DLC1: variants seen among roughly 807,000 people sequenced by gnomAD.
DLC1 encodes the protein rho GTPase-activating protein 7.
DLC1 carries 54 observed loss-of-function variants against 140.3 expected under a neutral mutation model. The ratio of observed to expected loss-of-function variants is 0.38; its 90% confidence interval spans 0.31 to 0.48. The LOEUF (loss-of-function observed/expected upper bound fraction) is 0.48. DLC1 is among the 20% of genes least tolerant of loss of function. The pLI is 0.96. For synonymous variants in DLC1, 986 were observed against 728.1 expected (o/e 1.35, Z -5.70); for missense variants, 2,536 against 1,907.0 (o/e 1.33, Z -6.14).
At chr8:13,565,273 G>A (rs973183469) in intron 1 of DLC1, among the ~76,000 whole-genome samples, 1 of 152,154 alleles carries the variant, frequency 6.6e-6, no homozygotes, top group Admixed American at 6.5e-5. Flanking sequence ...GATTACCCCA[G>A]ACATTTGGCA....
chr8:13,105,072 T>G (rs1819448224), intron 7 of DLC1, among the ~76,000 whole-genome samples: 1 of 151,392 alleles, frequency 6.6e-6, no homozygotes, highest in African/African-American at 2.4e-5. Context: ...GCTTTAATGG[T>G]TGAATGGTGT....
chr8:13,601,041 G>A (rs1805863308), intron 1 of DLC1, among the ~76,000 whole-genome samples: 1 of 151,614 alleles, frequency 6.6e-6, no homozygotes, highest in Admixed American at 6.6e-5. Flanking sequence ...TTTTAAAAAT[G>A]GTTATCTACT....
chr8:13,573,751 C>G (rs1263182287), intron 1 of DLC1, among the ~76,000 whole-genome samples: 1 of 152,098 alleles, frequency 6.6e-6, no homozygotes, highest in Non-Finnish European at 1.5e-5. Flanking sequence ...TGCTCATAAC[C>G]TCACCTTTGC....
intron 5 of DLC1, among the ~76,000 whole-genome samples, chr8:13,243,479 C>A (rs1334550294): frequency 1.3e-5 from 2 of 151,998 alleles, no homozygotes; most frequent in East Asian, 3.9e-4. Flanking sequence ...TATAAATGTC[C>A]AGTCTCAGGT....
intron 5 of DLC1, among the ~76,000 whole-genome samples, chr8:13,172,754 T>G (rs568917976): frequency 1.3e-5 from 2 of 152,312 alleles, no homozygotes; most frequent in South Asian, 4.1e-4. Context: ...GCTTCGCTGA[T>G]CTAACAGGGG....
chr8:13,451,821 A>G (rs1199546461), intron 2 of DLC1, among the ~76,000 whole-genome samples: 2 of 152,234 alleles, frequency 1.3e-5, no homozygotes, highest in African/African-American at 2.4e-5. Context: ...CAGTGCTGCA[A>G]CAAATATGGG....
intron 4 of DLC1, among the ~76,000 whole-genome samples, chr8:13,348,180 T>C (rs942782500): frequency 7.2e-5 from 11 of 152,072 alleles, no homozygotes; most frequent in Non-Finnish European, 1.3e-4. Context: ...TGTGTATATG[T>C]GGAGGGAGAG....
In DLC1 at chr8:13,499,808, A is replaced by G. The variant is rs929903512; in HGVS notation, c.264T>C (p.Asn88=). ...MGHLSKDVDE[N]DSHEGEDQFL... ...ACTGATCTTCACCTTCATGGCTGTCATTTTCGTCCACATCCTTTGAAAGAT... is the reference window on the plus strand; with the variant it reads ...ACTGATCTTCACCTTCATGGCTGTCGTTTTCGTCCACATCCTTTGAAAGAT... The change falls in exon 2 of 18, where the codon AAT becomes AAC. Residue 88 remains asparagine, a synonymous_variant. Transcript: ENST00000276297. 1.9e-6 allele frequency: 3 copies of G among 1,613,906 alleles called. No homozygotes were observed. The Admixed American group carries it at 5.0e-5, about 27-fold the overall frequency.
chr8:13,336,790 T>C (rs1833827592), intron 4 of DLC1, among the ~76,000 whole-genome samples: 1 of 152,314 alleles, frequency 6.6e-6, no homozygotes, highest in East Asian at 1.9e-4. Context: ...AATATATTAA[T>C]AGTATAATGT....
At chr8:13,316,665 T>C (rs1296180662) in intron 4 of DLC1, among the ~76,000 whole-genome samples, 1 of 152,074 alleles carries the variant, frequency 6.6e-6, no homozygotes, top group Non-Finnish European at 1.5e-5. Context: ...TGGAACTGGT[T>C]GTGACTTTTG....
intron 2 of DLC1, among the ~76,000 whole-genome samples, chr8:13,452,336 A>T (rs1210450712): frequency 6.6e-6 from 1 of 152,132 alleles, no homozygotes; most frequent in Admixed American, 6.6e-5. Flanking sequence ...CATCTATTGT[A>T]TAAATTAAAC....
chr8:13,387,491 A>C (rs912747927), intron 4 of DLC1, among the ~76,000 whole-genome samples: 2 of 151,228 alleles, frequency 1.3e-5, no homozygotes, highest in Non-Finnish European at 3.0e-5. Flanking sequence ...GAATTTCAAG[A>C]TTTTTTTTTC....
chr8:13,289,371 TC>T (rs1831669358), intron 5 of DLC1, among the ~76,000 whole-genome samples: 1 of 152,176 alleles, frequency 6.6e-6, no homozygotes, highest in Non-Finnish European at 1.5e-5. Flanking sequence ...AATTTTTTTT[TC>T]ATAGAGTTGG....
At chr8:13,214,615 C>G (rs745771507) in intron 5 of DLC1, 2 of 771,344 alleles carry the variant, frequency 2.6e-6, no homozygotes, top group South Asian at 1.4e-5. Flanking sequence ...TTCTGCCAGG[C>G]ACACACCGGC....
intron 5 of DLC1, among the ~76,000 whole-genome samples, chr8:13,123,838 C>G (rs1821327516): frequency 6.6e-6 from 1 of 152,100 alleles, no homozygotes; most frequent in Non-Finnish European, 1.5e-5. Flanking sequence ...AGAAATAAAC[C>G]ACTCATACAA....
At chr8:13,221,951 TA>T (rs1328054396) in intron 5 of DLC1, among the ~76,000 whole-genome samples, 1 of 145,318 alleles carries the variant, frequency 6.9e-6, no homozygotes, top group Non-Finnish European at 1.5e-5. Context: ...AAATTATCTA[TA>T]TTTTATATAA....
At chr8:13,498,748 T>C in intron 2 of DLC1, 1 of 252,468 alleles carries the variant, frequency 4.0e-6, no homozygotes, top group South Asian at 1.2e-4. Flanking sequence ...GTCTATGAGC[T>C]ATCTAGTGGC....
At chr8:13,158,442 A>C (rs1442849506) in intron 5 of DLC1, among the ~76,000 whole-genome samples, 2 of 152,142 alleles carry the variant, frequency 1.3e-5, no homozygotes, top group Non-Finnish European at 2.9e-5. Flanking sequence ...CCTTGACCCT[A>C]ACTTTGTGAC....
At chr8:13,351,724 TCC>T (rs1834674685) in intron 4 of DLC1, among the ~76,000 whole-genome samples, 1 of 152,152 alleles carries the variant, frequency 6.6e-6, no homozygotes, top group Non-Finnish European at 1.5e-5. Context: ...CACTATCTGA[TCC>T]TTTATAGAAA....
Sources: gnomAD v4.1 joint callset for allele counts (sites outside exome capture counted in the v4.1 genomes callset) on GRCh38, gnomAD v4.1.1 for gene constraint, MANE v1.5 for transcripts, NCBI Gene and HGNC (gene_info 2026-07-23, HGNC 2026-07-21) for gene names.